The following MTHFD1 variants were observed in gnomAD, a reference collection of about 807,000 sequenced individuals.
MTHFD1 encodes the protein methylenetetrahydrofolate dehydrogenase, cyclohydrolase and formyltetrahydrofolate synthetase 1.
In MTHFD1, 44 loss-of-function variants were observed where a neutral mutation model predicts 110.3. The observed-to-expected ratio is 0.40, with a 90% CI of 0.31 to 0.51. The LOEUF is 0.51. MTHFD1 is among the 20% of genes least tolerant of loss of function. MTHFD1 has a pLI of 0.60. For synonymous variants in MTHFD1, 402 were observed against 428.8 expected, an observed-to-expected ratio of 0.94 and a Z score of 0.77; for missense variants, 909 against 1,173.1, an observed-to-expected ratio of 0.77 and a Z score of 3.29.
At chr14:64,444,596 G>C in intron 21 of MTHFD1, 97 bp from the exon 22 acceptor site, 1 of 1,325,322 alleles carries the variant, frequency 7.5e-7, no homozygotes, top group Non-Finnish European at 1.1e-6. Flanking sequence ...CAGCCTGCAA[G>C]CATTGCAGCG....
At chr14:64,410,685 G>A (rs2077977043) in intron 2 of MTHFD1, among the ~76,000 whole-genome samples, 4 of 152,180 alleles carry the variant, frequency 2.6e-5, no homozygotes, top group Admixed American at 2.6e-4. Context: ...GGTGTGGAAT[G>A]TGCCCTCTGG....
At chr14:64,421,903 G>A (rs558107708) in intron 8 of MTHFD1, among the ~76,000 whole-genome samples, 78 of 152,230 alleles carry the variant, frequency 5.1e-4, no homozygotes, top group Middle Eastern at 6.8e-3. Flanking sequence ...GGGATTACAG[G>A]CGTGAGCCAC....
chr14:64,413,368 A>G (rs1407582089), intron 4 of MTHFD1, among the ~76,000 whole-genome samples: 1 of 151,968 alleles, frequency 6.6e-6, no homozygotes, highest in Non-Finnish European at 1.5e-5. Flanking sequence ...AATAGGTAAA[A>G]CCGATCCTTG....
At chr14:64,422,669 A>T (rs1316682796) in intron 8 of MTHFD1, among the ~76,000 whole-genome samples, 1 of 152,138 alleles carries the variant, frequency 6.6e-6, no homozygotes, top group Non-Finnish European at 1.5e-5. Flanking sequence ...GGCCTCTATT[A>T]TTAGGGTCCC....
chr14:64,420,033 A>C, intron 8 of MTHFD1, 108 bp downstream of exon 8: 1 of 831,632 alleles, frequency 1.2e-6, no homozygotes, highest in Non-Finnish European at 2.0e-6. Flanking sequence ...TTGTAGTACT[A>C]AGGTTTAGGA....
At chr14:64,415,794 G>A in intron 6 of MTHFD1, 55 bp downstream of exon 6, 1 of 1,553,900 alleles carries the variant, frequency 6.4e-7, no homozygotes, top group Non-Finnish European at 8.8e-7. Flanking sequence ...TCCTGGTCTT[G>A]ACATGTGGTG....
rs1413618762 is a variant in MTHFD1 at position 64,419,877 on chromosome 14, A to T, written c.679A>T (p.Ile227Phe). Residue 227 changes from isoleucine (I) to phenylalanine (F), a missense_variant, in exon 8 of 28, where the codon ATC becomes TTC. Transcript: ENST00000652337. Reference sequence around the variant, plus strand: ...GCCTGAAATGGTTAAAGGGGAGTGGATCAAACCTGGGGCAATAGTCATCGA... The same window carrying T: ...GCCTGAAATGGTTAAAGGGGAGTGGTTCAAACCTGGGGCAATAGTCATCGA... Reference protein sequence around the residue: ...GQPEMVKGEWIKPGAIVIDCG... With the variant: ...GQPEMVKGEWFKPGAIVIDCG... 1 of 1,614,204 alleles carries T rather than the reference A, an allele frequency of 6.2e-7. No individual in the cohort carries two copies. The highest frequency in any genetic ancestry group is 2.2e-5 in the East Asian group (1 of 44,890).
chr14:64,449,547 T>C lies in MTHFD1; in HGVS notation c.2382T>C (p.Gly794=). Residue 794 remains glycine (G), a synonymous_variant, in exon 24 of 28, where the codon GGT becomes GGC. Coordinates refer to ENST00000652337, the MANE Select transcript of MTHFD1 (RefSeq NM_005956.4). ...KCTHWAEGGK[G]ALALAQAVQR... ...CTCACTGGGCAGAAGGGGGCAAGGG[T>C]GCCTTAGCCCTGGCTCAGGCCGTCC... 2 of 1,614,104 alleles carry C rather than the reference T, an allele frequency of 1.2e-6. No homozygotes were observed. The highest frequency in any genetic ancestry group is 1.7e-6 in the Non-Finnish European group (2 of 1,179,992).
chr14:64,401,150 T>C (rs372921542), intron 2 of MTHFD1, among the ~76,000 whole-genome samples: 4 of 152,148 alleles, frequency 2.6e-5, no homozygotes, highest in Admixed American at 1.3e-4. Flanking sequence ...TTTTCTTTAA[T>C]TTAATGTATT....
intron 7 of MTHFD1, chr14:64,419,156 C>T (rs763774574): frequency 1.3e-5 from 2 of 158,604 alleles, no homozygotes; most frequent in South Asian, 3.7e-4. Flanking sequence ...ACATGCCTGG[C>T]CTCTCACCAA....
chr14:64,412,264 A>G (rs1425621990), intron 3 of MTHFD1, among the ~76,000 whole-genome samples: 2 of 152,188 alleles, frequency 1.3e-5, no homozygotes, highest in African/African-American at 4.8e-5. Flanking sequence ...CTTTCTCAAG[A>G]AATAGCAAGC....
intron 1 of MTHFD1, among the ~76,000 whole-genome samples, chr14:64,399,443 G>A (rs1417523678): frequency 6.6e-6 from 1 of 151,890 alleles, no homozygotes; most frequent in African/African-American, 2.4e-5. Flanking sequence ...GGTGGATCAC[G>A]AAGTCAGGAG....
At chr14:64,392,106 C>G (rs960052097) in intron 1 of MTHFD1, among the ~76,000 whole-genome samples, 2 of 152,286 alleles carry the variant, frequency 1.3e-5, no homozygotes, top group African/African-American at 4.8e-5. Flanking sequence ...GGAGGTGGAG[C>G]CTTAAGCCTG....
At chr14:64,389,696 G>A (rs2077789549) in intron 1 of MTHFD1, among the ~76,000 whole-genome samples, 2 of 150,492 alleles carry the variant, frequency 1.3e-5, no homozygotes, top group African/African-American at 4.9e-5. Context: ...CAACAAGAGC[G>A]AAACTCCGTC....
chr14:64,441,420 C>T lies in MTHFD1; in HGVS notation c.1851C>T (p.Asp617=), dbSNP rs137987241. 85 of 1,614,004 alleles carry T rather than the reference C, an allele frequency of 5.3e-5. No individual in the cohort carries two copies. Among genetic ancestry groups the T allele is most frequent in the Non-Finnish European group, 6.6e-5 (78 of 1,179,948 alleles). ...GTGCACTGACAGTGCTTATGAAGGACGCAATCAAGCCCAATCTCATGCAGA... is the reference window on the plus strand; with the variant it reads ...GTGCACTGACAGTGCTTATGAAGGATGCAATCAAGCCCAATCTCATGCAGA... ...VSGALTVLMK[D]AIKPNLMQTL... The change falls in exon 19 of 28, where the codon GAC becomes GAT. Residue 617 remains aspartate (D), a synonymous_variant. Coordinates refer to ENST00000652337, the MANE Select transcript of MTHFD1 (RefSeq NM_005956.4).
At chr14:64,410,657 C>T (rs530154230) in intron 2 of MTHFD1, among the ~76,000 whole-genome samples, 4 of 152,140 alleles carry the variant, frequency 2.6e-5, no homozygotes, top group African/African-American at 7.2e-5. Context: ...TTCCATTGCC[C>T]CTGCGGGTGG....
intron 18 of MTHFD1, 183 bp downstream of exon 18, chr14:64,440,449 A>C (rs1267313230): frequency 1.3e-6 from 1 of 745,216 alleles, no homozygotes; most frequent in Admixed American, 2.0e-5. Flanking sequence ...ATCAGAGTGA[A>C]TAATAGCTGG....
chr14:64,459,073 A>C (rs1401318353), intron 27 of MTHFD1, among the ~76,000 whole-genome samples: 1 of 152,250 alleles, frequency 6.6e-6, no homozygotes, highest in Non-Finnish European at 1.5e-5. Context: ...TAGACAATGG[A>C]GGAGTGTCCT....
At chr14:64,453,710 C>T (rs752591117) in intron 24 of MTHFD1, 44 bp from the exon 25 acceptor site, 2 of 1,174,392 alleles carry the variant, frequency 1.7e-6, no homozygotes, top group Non-Finnish European at 2.6e-6. Context: ...AATGTCCTCA[C>T]ATGTGTCCAG....
Sources: allele counts gnomAD v4.1 joint callset (sites outside exome capture counted in the v4.1 genomes callset), GRCh38; gene constraint gnomAD v4.1.1; transcripts MANE v1.5; gene names NCBI Gene and HGNC (gene_info 2026-07-23, HGNC 2026-07-21).